Variants in MSR1 observed in about 807,000 individuals in gnomAD.
MSR1 encodes the protein macrophage scavenger receptor types I and II.
In MSR1, 53 loss-of-function variants were observed where a neutral mutation model predicts 47.2. The ratio of observed to expected loss-of-function variants is 1.12; its 90% CI spans 0.90 to 1.41. The LOEUF is 1.41. Among genes scored for constraint, MSR1 ranks in the 40% most tolerant of loss-of-function variants. MSR1 has a pLI of 0.00. For synonymous variants in MSR1, 239 were observed against 185.6 expected (o/e 1.29, Z -2.34); for missense variants, 786 against 546.9 (o/e 1.44, Z -4.36).
intron 9 of MSR1, among the ~76,000 whole-genome samples, chr8:16,116,680 A>G (rs1799882805): frequency 6.6e-6 from 1 of 151,610 alleles, no homozygotes; most frequent in African/African-American, 2.4e-5. Context: ...TCCCTACTTT[A>G]TAGAGATATA....
In MSR1 at chr8:16,120,518, A is replaced by T; in HGVS notation, c.1122T>A (p.Ile374=). 2 of 1,613,140 alleles carry T rather than the reference A, an allele frequency of 1.2e-6. No homozygotes were observed. The highest frequency in any genetic ancestry group is 1.7e-6 in the Non-Finnish European group (2 of 1,179,830). Residue 374 remains isoleucine (I), a synonymous_variant, in exon 9 of 10, where the codon ATT becomes ATA. Transcript: ENST00000262101. ...EILHSGQWGT[I]CDDRWEVRVG... ...CGCGCACTTCCCAGCGATCGTCACA[A>T]ATTGTACCCCACTGGCCGCTGTGGA...
At chr8:16,128,693 A>C (rs1006772841) in intron 8 of MSR1, among the ~76,000 whole-genome samples, 12 of 152,308 alleles carry the variant, frequency 7.9e-5, no homozygotes, top group African/African-American at 2.9e-4. Context: ...ACTTAAAAAT[A>C]CAAGCTGCTT....
intron 5 of MSR1, among the ~76,000 whole-genome samples, chr8:16,159,258 T>C (rs1357209817): frequency 1.3e-5 from 2 of 151,980 alleles, no homozygotes; most frequent in Non-Finnish European, 2.9e-5. Context: ...TGTTTCCAAA[T>C]AAACAAAATG....
In MSR1 at chr8:16,191,877, ATTTATT is replaced by A. The variant is rs761102918; in HGVS notation, c.-5+715_-5+720del. On this transcript the variant is annotated intron_variant, in intron 1 of 9. Transcript: ENST00000262101. ...TCAGATTTCTAGCATCTCCATGAAG[ATTTATT>A]TTTGATAGACTTTTTTCACATAGAA... Among the ~76,000 whole-genome samples, 15 of 152,274 alleles carry A rather than the reference ATTTATT, an allele frequency of 9.9e-5. No homozygotes were observed. The East Asian group carries it at 2.9e-3, about 29-fold the overall frequency.
chr8:16,156,051 C>A (rs1030285149), intron 5 of MSR1, among the ~76,000 whole-genome samples: 1 of 151,732 alleles, frequency 6.6e-6, no homozygotes, highest in African/African-American at 2.4e-5. Context: ...CAAAGGTAAT[C>A]CTACCTAAAC....
chr8:16,125,215 A>G (rs1447224760), intron 8 of MSR1, among the ~76,000 whole-genome samples: 1 of 152,146 alleles, frequency 6.6e-6, no homozygotes, highest in African/African-American at 2.4e-5. Context: ...TGTCAATTCA[A>G]TTTACAATGA....
chr8:16,130,130 A>G (rs1161882254), intron 8 of MSR1, among the ~76,000 whole-genome samples: 1 of 152,206 alleles, frequency 6.6e-6, no homozygotes, highest in Non-Finnish European at 1.5e-5. Flanking sequence ...TGGGATAGGG[A>G]CTAAGCAGGA....
At chr8:16,148,245 G>A (rs1012068265) in intron 7 of MSR1, among the ~76,000 whole-genome samples, 6 of 151,566 alleles carry the variant, frequency 4.0e-5, no homozygotes, top group Admixed American at 3.9e-4. Flanking sequence ...TTTTTTTTCT[G>A]TATCCAGCTC....
At chr8:16,119,680 A>G (rs1799951818) in intron 9 of MSR1, among the ~76,000 whole-genome samples, 1 of 151,900 alleles carries the variant, frequency 6.6e-6, no homozygotes, top group African/African-American at 2.4e-5. Flanking sequence ...GGCATTTGAG[A>G]AGTTCATCTT....
At chr8:16,111,966 C>A (rs944464807) in intron 9 of MSR1, among the ~76,000 whole-genome samples, 1 of 148,618 alleles carries the variant, frequency 6.7e-6, no homozygotes, top group Non-Finnish European at 1.5e-5. Flanking sequence ...AGCAAATCTC[C>A]TTTGGTGCCT....
chr8:16,118,092 T>A (rs1349207432), intron 9 of MSR1, among the ~76,000 whole-genome samples: 1 of 152,120 alleles, frequency 6.6e-6, no homozygotes, highest in Non-Finnish European at 1.5e-5. Context: ...AAATAATTCA[T>A]CCAGACTAGT....
chr8:16,185,156 GA>G (rs11314968), intron 1 of MSR1, among the ~76,000 whole-genome samples: 113,194 of 149,226 alleles, frequency 0.76, 44,242 homozygotes, highest in Non-Finnish European at 0.87. Context: ...ATATTTTCCA[GA>G]AAAAAAAAAA....
chr8:16,151,526 A>G (rs977348763), intron 6 of MSR1, among the ~76,000 whole-genome samples: 2 of 152,132 alleles, frequency 1.3e-5, no homozygotes, highest in Non-Finnish European at 2.9e-5. Flanking sequence ...ACTTTATTCC[A>G]TAAGATCAGA....
At chr8:16,180,133 TCTC>T (rs1227346170) in intron 1 of MSR1, among the ~76,000 whole-genome samples, 7 of 151,632 alleles carry the variant, frequency 4.6e-5, no homozygotes, top group Admixed American at 3.3e-4. Flanking sequence ...CTTCTCCCTC[TCTC>T]CTCTCTCTCC....
In MSR1 at chr8:16,175,282, G is replaced by C. The variant is rs145597376; in HGVS notation, c.122C>G (p.Ser41Cys). Residue 41 changes from serine to cysteine, a missense_variant, in exon 3 of 10, where the codon TCC becomes TGC. Ser to Cys is a moderately radical substitution (Grantham distance 112). Transcript: ENST00000262101. ...GAAGGACTTCAGTTTCTCTTGAAGG[G>C]AAGGGCTGTTTTTAGGATCTAATAA... ...LLPPNPKNSPSLQEKLKSFKA... is the reference protein window; with the variant it reads ...LLPPNPKNSPCLQEKLKSFKA... 6.2e-7 allele frequency: 1 copy of C among 1,614,024 alleles called. No individual in the cohort carries two copies. The highest frequency in any genetic ancestry group is 8.5e-7 in the Non-Finnish European group (1 of 1,179,946).
chr8:16,126,479 G>A (rs142895518), intron 8 of MSR1, among the ~76,000 whole-genome samples: 1 of 151,994 alleles, frequency 6.6e-6, no homozygotes, highest in Non-Finnish European at 1.5e-5. Flanking sequence ...AAAAAAATCT[G>A]GTTGCAGTTT....
intron 2 of MSR1, among the ~76,000 whole-genome samples, chr8:16,177,329 G>C (rs438721): frequency 0.22 from 33,460 of 151,864 alleles, 4,922 homozygotes; most frequent in East Asian, 0.59. Flanking sequence ...AATAGCTACA[G>C]AGAGAAGACC....
intron 8 of MSR1, among the ~76,000 whole-genome samples, chr8:16,132,893 T>C (rs570258068): frequency 2.0e-5 from 3 of 152,182 alleles, no homozygotes; most frequent in Non-Finnish European, 4.4e-5. Flanking sequence ...TTTAATATGA[T>C]GTCGCTGTGG....
chr8:16,175,176 G>A lies in MSR1; in HGVS notation c.217+11C>T. 1 of 1,608,846 alleles carries A rather than the reference G, an allele frequency of 6.2e-7. No homozygotes were observed. The highest frequency in any genetic ancestry group is 8.5e-7 in the Non-Finnish European group (1 of 1,175,346). ...CGAGTTACTAAATTTCAAAACTCTGGGTTACGTTACCTGCCACTATTCCAA... is the reference window on the plus strand; with the variant it reads ...CGAGTTACTAAATTTCAAAACTCTGAGTTACGTTACCTGCCACTATTCCAA... On this transcript the variant is annotated intron_variant, in intron 3 of 9. Coordinates refer to ENST00000262101, the MANE Select transcript of MSR1 (RefSeq NM_138715.3).
Sources: allele counts gnomAD v4.1 joint callset (sites outside exome capture counted in the v4.1 genomes callset), GRCh38; gene constraint gnomAD v4.1.1; transcripts MANE v1.5; gene names NCBI Gene and HGNC (gene_info 2026-07-23, HGNC 2026-07-21).